NTM: variants seen among roughly 807,000 people sequenced by gnomAD.
The protein encoded by NTM is neurotrimin.
In NTM, 13 loss-of-function variants were observed where a neutral mutation model predicts 42.1. The observed-to-expected ratio is 0.31, with a 90% CI of 0.20 to 0.49. The LOEUF (loss-of-function observed/expected upper bound fraction) is 0.49, where lower values mean the gene tolerates loss of function less well. Ranked by LOEUF, NTM falls within the 20% of genes least tolerant of loss-of-function variation. NTM has a pLI of 0.99. For missense variants in NTM, 373 were observed against 452.8 expected (o/e 0.82, Z 1.60); for synonymous variants, 187 against 179.2 (o/e 1.04, Z -0.35).
At chr11:131,445,008 C>T (rs1460548309) in intron 1 of NTM, among the ~76,000 whole-genome samples, 8 of 152,142 alleles carry the variant, frequency 5.3e-5, no homozygotes, top group African/African-American at 1.9e-4. Flanking sequence ...AGTGCATATC[C>T]ATAGCAACCT....
intron 2 of NTM, among the ~76,000 whole-genome samples, chr11:132,102,486 G>A (rs1288902184): frequency 1.3e-5 from 2 of 152,180 alleles, no homozygotes; most frequent in African/African-American, 4.8e-5. Flanking sequence ...ACTGCACCAC[G>A]AACAAAAGCG....
intron 1 of NTM, among the ~76,000 whole-genome samples, chr11:131,608,292 A>G (rs2061168542): frequency 6.6e-6 from 1 of 152,076 alleles, no homozygotes; most frequent in Admixed American, 6.6e-5. Context: ...AATCCAGTCT[A>G]CCATCGTTGG....
intron 1 of NTM, chr11:131,671,442 G>A: frequency 4.1e-6 from 4 of 985,454 alleles, no homozygotes; most frequent in Non-Finnish European, 4.8e-6. Flanking sequence ...GCTTGCCTGG[G>A]CCTTGTCAGC....
intron 2 of NTM, among the ~76,000 whole-genome samples, chr11:132,020,289 T>C (rs1462237046): frequency 6.6e-6 from 1 of 152,108 alleles, no homozygotes; most frequent in African/African-American, 2.4e-5. Context: ...ATAACACTAA[T>C]ATCTGCCTTT....
At chr11:131,825,979 A>G (rs2042083318) in intron 1 of NTM, among the ~76,000 whole-genome samples, 1 of 152,202 alleles carries the variant, frequency 6.6e-6, no homozygotes, top group Non-Finnish European at 1.5e-5. Flanking sequence ...ATTGTTTTAT[A>G]TGTTAATGCA....
chr11:132,025,636 G>C (rs2075061989), intron 2 of NTM, among the ~76,000 whole-genome samples: 1 of 152,112 alleles, frequency 6.6e-6, no homozygotes, highest in Non-Finnish European at 1.5e-5. Context: ...CTACCCACTG[G>C]GATTGCCTGG....
intron 1 of NTM, among the ~76,000 whole-genome samples, chr11:131,552,817 C>CAAA (rs61457986): frequency 1.4e-5 from 2 of 142,124 alleles, no homozygotes. Context: ...GACTCCGTCT[C>CAAA]AAAAAAAAAA....
intron 1 of NTM, among the ~76,000 whole-genome samples, chr11:131,683,741 A>T (rs1440184464): frequency 2.0e-5 from 3 of 152,168 alleles, no homozygotes; most frequent in Non-Finnish European, 1.5e-5. Context: ...TTTTGGGGTG[A>T]TGCAGGGCGA....
At chr11:132,055,287 A>G (rs1321276362) in intron 2 of NTM, among the ~76,000 whole-genome samples, 1 of 152,122 alleles carries the variant, frequency 6.6e-6, no homozygotes, top group Non-Finnish European at 1.5e-5. Flanking sequence ...TCACCTCTCA[A>G]AGACACTGCC....
chr11:131,461,439 C>G (rs1179018445), intron 1 of NTM, among the ~76,000 whole-genome samples: 2 of 152,086 alleles, frequency 1.3e-5, no homozygotes, highest in Non-Finnish European at 2.9e-5. Flanking sequence ...AGAAAAGTAT[C>G]TGTGGAAATG....
At chr11:131,744,090 C>A (rs572905474) in intron 1 of NTM, among the ~76,000 whole-genome samples, 50 of 152,166 alleles carry the variant, frequency 3.3e-4, no homozygotes, top group Non-Finnish European at 6.5e-4. Flanking sequence ...GGGACAGCAA[C>A]TTTCTCTGTA....
intron 1 of NTM, among the ~76,000 whole-genome samples, chr11:131,802,335 G>A (rs954030223): frequency 2.0e-5 from 3 of 152,070 alleles, no homozygotes; most frequent in Non-Finnish European, 4.4e-5. Context: ...TTTACTTAGG[G>A]CCATTTGCAT....
chr11:132,185,252 T>C (rs1357612021), intron 3 of NTM, among the ~76,000 whole-genome samples: 6 of 152,220 alleles, frequency 3.9e-5, no homozygotes, highest in Non-Finnish European at 7.3e-5. Context: ...TGAATGTGTA[T>C]GTCTGTGTGT....
chr11:132,046,672 C>T (rs976956690), intron 2 of NTM, among the ~76,000 whole-genome samples: 5 of 152,076 alleles, frequency 3.3e-5, no homozygotes, highest in African/African-American at 7.2e-5. Flanking sequence ...CATTCCCAGG[C>T]GACACTCCCC....
intron 1 of NTM, among the ~76,000 whole-genome samples, chr11:131,561,937 A>G (rs2056284988): frequency 6.6e-6 from 1 of 152,254 alleles, no homozygotes; most frequent in Non-Finnish European, 1.5e-5. Context: ...ACAATGTCCT[A>G]TTTAAAGAGA....
intron 1 of NTM, among the ~76,000 whole-genome samples, chr11:131,880,690 A>G (rs1417302981): frequency 1.3e-5 from 2 of 152,206 alleles, no homozygotes; most frequent in East Asian, 3.9e-4. Flanking sequence ...GATGACATAT[A>G]CACACTCTCA....
In NTM at chr11:132,237,502, C is replaced by T. The variant is rs188004759; in HGVS notation, c.526+25355C>T. ...TGGGCCACTGACCCCATCCAAATGG[C>T]GGAAAGTGAAAGAAGCCGGTCCCGT... On this transcript the variant is annotated intron_variant, in intron 4 of 8. Coordinates refer to ENST00000683400, the MANE Select transcript of NTM (RefSeq NM_001352005.2). 3.9e-5 allele frequency among the ~76,000 whole-genome samples: 6 copies of T among 152,248 alleles called. No homozygotes were observed. The East Asian group carries it at 9.7e-4, about 25-fold the overall frequency.
At chr11:131,683,390 C>T (rs113786667) in intron 1 of NTM, among the ~76,000 whole-genome samples, 2,191 of 152,334 alleles carry the variant, frequency 0.014, 60 homozygotes, top group African/African-American at 0.05. Flanking sequence ...AACCTCTGCC[C>T]TCCAGCTCTG....
chr11:131,521,488 A>C (rs1255396429), intron 1 of NTM, among the ~76,000 whole-genome samples: 2 of 125,528 alleles, frequency 1.6e-5, no homozygotes, highest in African/African-American at 6.3e-5. Context: ...GGCTCACTGC[A>C]AGCTCCGCCT....
Sources: gnomAD v4.1 joint callset for allele counts (sites outside exome capture counted in the v4.1 genomes callset) on GRCh38, gnomAD v4.1.1 for gene constraint, MANE v1.5 for transcripts, NCBI Gene and HGNC (gene_info 2026-07-23, HGNC 2026-07-21) for gene names.